Variants in THSD7B observed in about 807,000 individuals in gnomAD.
THSD7B encodes thrombospondin type 1 domain containing 7B.
In THSD7B, 138 loss-of-function variants were observed where a neutral mutation model predicts 213.6. The ratio of observed to expected loss-of-function variants is 0.65; its 90% CI spans 0.56 to 0.74. The LOEUF (loss-of-function observed/expected upper bound fraction) is 0.74. THSD7B is among the 30% of genes least tolerant of loss of function. The pLI, the probability that THSD7B is intolerant of heterozygous loss-of-function variation, is 0.00. For missense variants in THSD7B, 1,931 were observed against 1,991.5 expected, an observed-to-expected ratio of 0.97 and a Z score of 0.58; for synonymous variants, 742 against 687.0, an observed-to-expected ratio of 1.08 and a Z score of -1.25.
chr2:137,440,057 A>G (rs1276785683), intron 14 of THSD7B, among the ~76,000 whole-genome samples: 1 of 152,092 alleles, frequency 6.6e-6, no homozygotes, highest in Non-Finnish European at 1.5e-5. Flanking sequence ...GTTATTCATG[A>G]TGTCTCTTGT....
chr2:136,778,548 A>G (rs1338608437), intron 1 of THSD7B, among the ~76,000 whole-genome samples: 2 of 152,154 alleles, frequency 1.3e-5, no homozygotes, highest in Non-Finnish European at 2.9e-5. Context: ...CACACAAAAG[A>G]CAAGCCAGGG....
chr2:137,669,961 TAACA>T lies in THSD7B; in HGVS notation c.4739+2104_4739+2107del, dbSNP rs1683528346. 2.6e-5 allele frequency among the ~76,000 whole-genome samples: 4 copies of T among 152,266 alleles called. No individual in the cohort carries two copies. In the South Asian group the frequency reaches 8.3e-4, roughly 32 times the overall value. ...AATTAGGTACATCATTGAATTCTGT[TAACA>T]AACCACTTTCTAGAGCATTTATATA... On this transcript the variant is annotated intron_variant, in intron 27 of 27. Coordinates refer to ENST00000409968, the MANE Select transcript of THSD7B (RefSeq NM_001316349.2).
chr2:137,058,697 G>A (rs1353113066), intron 3 of THSD7B, among the ~76,000 whole-genome samples: 1 of 152,142 alleles, frequency 6.6e-6, no homozygotes, highest in African/African-American at 2.4e-5. Flanking sequence ...AACCATGAGT[G>A]TAATGTTTTT....
At chr2:137,315,218 T>G (rs910001233) in intron 12 of THSD7B, among the ~76,000 whole-genome samples, 1 of 152,194 alleles carries the variant, frequency 6.6e-6, no homozygotes, top group Non-Finnish European at 1.5e-5. Context: ...GGTGCGCTGT[T>G]TTTTAAGCCC....
chr2:137,575,255 GTGA>G (rs1681434814), intron 17 of THSD7B, among the ~76,000 whole-genome samples: 1 of 151,972 alleles, frequency 6.6e-6, no homozygotes. Context: ...ACACAGAATT[GTGA>G]TGAAGAAGAA....
At chr2:137,170,716 A>G in intron 6 of THSD7B, 25 bp from the exon 7 acceptor site, 1 of 1,598,210 alleles carries the variant, frequency 6.3e-7, no homozygotes, top group Non-Finnish European at 8.5e-7. Flanking sequence ...GAATTCTCTG[A>G]AAATTCTTTT....
chr2:136,990,129 G>A lies in THSD7B; in HGVS notation c.140-66291G>A, dbSNP rs546382247. Among the ~76,000 whole-genome samples, 24 of 152,344 alleles carry A rather than the reference G, an allele frequency of 1.6e-4. 1 individual carries two copies. Among genetic ancestry groups the A allele is most frequent in the African/African-American group, 5.1e-4 (21 of 41,582 alleles). On this transcript the variant is annotated intron_variant, in intron 2 of 27. Transcript: ENST00000409968. ...TTCTCATTTAAGAACTGAGGCAACC[G>A]AGGTCAAAAGGGAAATCAGCGACAT...
chr2:137,281,522 A>C (rs1573930993), intron 12 of THSD7B, among the ~76,000 whole-genome samples: 1 of 151,918 alleles, frequency 6.6e-6, no homozygotes, highest in African/African-American at 2.4e-5. Flanking sequence ...CTCGTCATCT[A>C]GCATTAGGTA....
chr2:137,450,320 CT>C (rs1268374091), intron 14 of THSD7B, among the ~76,000 whole-genome samples: 4 of 152,298 alleles, frequency 2.6e-5, no homozygotes, highest in Admixed American at 2.0e-4. Context: ...CATTTTACAA[CT>C]TTTTGCTATT....
chr2:137,613,573 A>G (rs1015675092), intron 17 of THSD7B, among the ~76,000 whole-genome samples: 4 of 152,196 alleles, frequency 2.6e-5, no homozygotes, highest in African/African-American at 9.6e-5. Context: ...CTTCTTCCCT[A>G]GCAAATAAAC....
chr2:137,403,812 GA>G (rs1332859256), intron 12 of THSD7B, among the ~76,000 whole-genome samples: 1 of 152,196 alleles, frequency 6.6e-6, no homozygotes, highest in Non-Finnish European at 1.5e-5. Context: ...AATGCCTGGA[GA>G]GAGTTTTGAT....
intron 12 of THSD7B, among the ~76,000 whole-genome samples, chr2:137,392,315 T>C (rs1686049712): frequency 6.6e-6 from 1 of 152,182 alleles, no homozygotes; most frequent in African/African-American, 2.4e-5. Flanking sequence ...CTTTTCTGTC[T>C]TAATGATCTG....
intron 2 of THSD7B, among the ~76,000 whole-genome samples, chr2:137,039,488 A>G (rs1686839690): frequency 6.6e-6 from 1 of 152,240 alleles, no homozygotes; most frequent in African/African-American, 2.4e-5. Flanking sequence ...TGCAATGCAC[A>G]GGACAACTCT....
At chr2:137,295,655 T>C (rs750004489) in intron 12 of THSD7B, among the ~76,000 whole-genome samples, 33 of 151,956 alleles carry the variant, frequency 2.2e-4, no homozygotes, top group Admixed American at 5.9e-4. Flanking sequence ...TTTGTATTTT[T>C]AGTAGAAACG....
chr2:137,065,077 A>G (rs1013623267), intron 3 of THSD7B, among the ~76,000 whole-genome samples: 1 of 151,850 alleles, frequency 6.6e-6, no homozygotes, highest in African/African-American at 2.4e-5. Context: ...TTTCATAGGG[A>G]TTGCACTAAA....
At chr2:137,078,909 T>C (rs1687686532) in intron 3 of THSD7B, among the ~76,000 whole-genome samples, 1 of 152,192 alleles carries the variant, frequency 6.6e-6, no homozygotes, top group Non-Finnish European at 1.5e-5. Flanking sequence ...AAAGGCCATA[T>C]TTTGTTTGTT....
At chr2:137,518,515 T>A (rs1433462188) in intron 15 of THSD7B, among the ~76,000 whole-genome samples, 1 of 152,138 alleles carries the variant, frequency 6.6e-6, no homozygotes, top group Non-Finnish European at 1.5e-5. Context: ...ACCAAAAAAT[T>A]TGGCGATGAG....
In THSD7B at chr2:137,616,320, C is replaced by G. The variant is rs1558860792; in HGVS notation, c.3565+4C>G. 6.2e-7 allele frequency: 1 copy of G among 1,610,914 alleles called. No individual in the cohort carries two copies. The highest frequency in any genetic ancestry group is 1.7e-5 in the Admixed American group (1 of 59,324). On this transcript the variant is annotated splice_donor_region_variant and intron_variant, in intron 18 of 27. Transcript: ENST00000409968. ...CAGTTCCAGTACAATCTAACAGGTA[C>G]AGTTAAAATCTATGACCTTGTCGTT...
chr2:137,148,081 CT>C (rs1679739918), intron 5 of THSD7B, among the ~76,000 whole-genome samples: 1 of 151,990 alleles, frequency 6.6e-6, no homozygotes, highest in Non-Finnish European at 1.5e-5. Context: ...TGGGAAGGAC[CT>C]GGTAGCAGGT....
Sources: allele counts gnomAD v4.1 joint callset (sites outside exome capture counted in the v4.1 genomes callset), GRCh38; gene constraint gnomAD v4.1.1; transcripts MANE v1.5; gene names NCBI Gene and HGNC (gene_info 2026-07-23, HGNC 2026-07-21).